The following ACSM1 variants were observed in gnomAD, a reference collection of about 807,000 sequenced individuals.
ACSM1 encodes acyl-coenzyme A synthetase ACSM1, mitochondrial.
Under a neutral mutation model 75.8 loss-of-function variants are expected in ACSM1, and 79 were observed. The ratio of observed to expected loss-of-function variants is 1.04; its 90% CI spans 0.87 to 1.26. The LOEUF (loss-of-function observed/expected upper bound fraction) is 1.26, where lower values mean the gene tolerates loss of function less well. Among genes scored for constraint, ACSM1 ranks in the 50% most tolerant of loss-of-function variants. The pLI, the probability that ACSM1 is intolerant of heterozygous loss-of-function variation, is 0.00. For missense variants in ACSM1, 676 were observed against 720.1 expected, an observed-to-expected ratio of 0.94 and a Z score of 0.70; for synonymous variants, 279 against 265.8, an observed-to-expected ratio of 1.05 and a Z score of -0.48.
chr16:20,672,809 A>G (rs28504227), intron 4 of ACSM1, among the ~76,000 whole-genome samples: 258 of 117,722 alleles, frequency 2.2e-3, no homozygotes, highest in African/African-American at 9.8e-3. Flanking sequence ...TGTATAATAT[A>G]TAATATATAT....
intron 1 of ACSM1, among the ~76,000 whole-genome samples, chr16:20,691,750 AATGT>A (rs1230677549): frequency 1.1e-5 from 1 of 87,900 alleles, no homozygotes; most frequent in Admixed American, 1.2e-4. Context: ...ATACCTCTCC[AATGT>A]GTGTGTGTGT....
At chr16:20,626,393 C>T (rs1425582537) in intron 11 of ACSM1, among the ~76,000 whole-genome samples, 2 of 151,460 alleles carry the variant, frequency 1.3e-5, no homozygotes. Context: ...AATAAAAATG[C>T]CATCAATTTC....
chr16:20,626,739 GATTT>G (rs1306716717), intron 11 of ACSM1, among the ~76,000 whole-genome samples: 3 of 151,570 alleles, frequency 2.0e-5, no homozygotes, highest in African/African-American at 2.4e-5. Context: ...TATAATAATA[GATTT>G]ATTATGCTCA....
At chr16:20,667,511 C>G (rs1443615023) in intron 6 of ACSM1, among the ~76,000 whole-genome samples, 1 of 152,054 alleles carries the variant, frequency 6.6e-6, no homozygotes, top group African/African-American at 2.4e-5. Context: ...AAAACAAATG[C>G]TGGTGAGGCT....
intron 6 of ACSM1, among the ~76,000 whole-genome samples, chr16:20,668,142 C>G (rs2019675762): frequency 6.6e-6 from 1 of 152,142 alleles, no homozygotes; most frequent in Non-Finnish European, 1.5e-5. Flanking sequence ...CGAATCTGCA[C>G]ATGCACCCTC....
chr16:20,671,810 A>AACTCC, intron 4 of ACSM1, 139 bp from the exon 5 acceptor site: 1 of 923,216 alleles, frequency 1.1e-6, no homozygotes, highest in Non-Finnish European at 1.5e-6. Flanking sequence ...TCCCGGAGTT[A>AACTCC]GGCATCACAC....
intron 7 of ACSM1, among the ~76,000 whole-genome samples, chr16:20,659,035 A>C (rs1176310899): frequency 6.6e-6 from 1 of 152,130 alleles, no homozygotes; most frequent in African/African-American, 2.4e-5. Flanking sequence ...TATGATAGAC[A>C]TTTTCTTGTA....
chr16:20,677,717 G>A (rs1021016885), intron 4 of ACSM1, among the ~76,000 whole-genome samples: 2 of 152,162 alleles, frequency 1.3e-5, no homozygotes, highest in African/African-American at 2.4e-5. Context: ...TAGTAGAGGT[G>A]CAGTCTTTGC....
At chr16:20,636,578 A>G (rs563456526) in intron 10 of ACSM1, among the ~76,000 whole-genome samples, 161 bp downstream of exon 10, 1 of 152,348 alleles carries the variant, frequency 6.6e-6, no homozygotes, top group South Asian at 2.1e-4. Flanking sequence ...GGGTTCAGAC[A>G]GGAAAGGATG....
intron 10 of ACSM1, among the ~76,000 whole-genome samples, chr16:20,631,848 C>T (rs2017366156): frequency 1.3e-5 from 2 of 152,148 alleles, no homozygotes; most frequent in South Asian, 4.1e-4. Context: ...ATATAATGGA[C>T]TTTGGGGACT....
intron 7 of ACSM1, among the ~76,000 whole-genome samples, chr16:20,644,839 A>G (rs997569989): frequency 2.6e-4 from 40 of 152,252 alleles, no homozygotes; most frequent in African/African-American, 9.4e-4. Flanking sequence ...ACGGTGTAAC[A>G]TGTATTATCC....
At chr16:20,672,717 G>A (rs2020020861) in intron 4 of ACSM1, among the ~76,000 whole-genome samples, 1 of 122,946 alleles carries the variant, frequency 8.1e-6, no homozygotes, top group African/African-American at 3.3e-5. Context: ...ACATATACAT[G>A]TATATGTAAG....
At chr16:20,682,621 C>T (rs1336955285) in intron 3 of ACSM1, among the ~76,000 whole-genome samples, 158 bp from the exon 4 acceptor site, 2 of 152,198 alleles carry the variant, frequency 1.3e-5, no homozygotes, top group Non-Finnish European at 2.9e-5. Context: ...GAATCTCACA[C>T]CCTGTTTCAA....
intron 10 of ACSM1, among the ~76,000 whole-genome samples, chr16:20,631,607 A>T (rs2017350554): frequency 1.3e-5 from 2 of 152,228 alleles, no homozygotes; most frequent in South Asian, 4.1e-4. Flanking sequence ...AAAGATATGG[A>T]ACCAACCAAA....
At chr16:20,680,021 A>G (rs1001094238) in intron 4 of ACSM1, 2 of 152,230 alleles carry the variant, frequency 1.3e-5, no homozygotes, top group African/African-American at 4.8e-5. Flanking sequence ...TAGCAGGAGC[A>G]GCCCTAAGCA....
At chr16:20,687,334 GA>G (rs1223080205) in intron 2 of ACSM1, among the ~76,000 whole-genome samples, 2 of 152,056 alleles carry the variant, frequency 1.3e-5, no homozygotes, top group Non-Finnish European at 2.9e-5. Context: ...GACTTTTAGG[GA>G]AATTAAGAAA....
In ACSM1 at chr16:20,637,448, G is replaced by A; in HGVS notation, c.1120C>T (p.Leu374=). The change falls in exon 9 of 14, where the codon CTA becomes TTA. Residue 374 remains leucine, a synonymous_variant. Coordinates refer to ENST00000520010, the MANE Select transcript of ACSM1 (RefSeq NM_001318890.3). ...YENYGQSETG[L]ICATYWGMKI... The stretch of plus-strand genomic sequence containing the variant: ...ATTCCCCAGTAGGTGGCACAAATTA[G>A]TCCCTGTTCACAAAAGAAAGAAGAT... 6.2e-7 allele frequency: 1 copy of A among 1,613,692 alleles called. No homozygotes were observed. Among genetic ancestry groups the A allele is most frequent in the Middle Eastern group, 1.7e-4 (1 of 5,802 alleles).
At chr16:20,657,618 T>G (rs2019049056) in intron 7 of ACSM1, among the ~76,000 whole-genome samples, 1 of 152,038 alleles carries the variant, frequency 6.6e-6, no homozygotes, top group South Asian at 2.1e-4. Flanking sequence ...GTTTTTTTTT[T>G]TATTATACCT....
At chr16:20,628,021 G>A (rs899999974) in intron 10 of ACSM1, among the ~76,000 whole-genome samples, 6 of 150,686 alleles carry the variant, frequency 4.0e-5, no homozygotes, top group Non-Finnish European at 7.4e-5. Flanking sequence ...CTGGACAGAT[G>A]AGAGGGGTCA....
Sources: allele counts gnomAD v4.1 joint callset (sites outside exome capture counted in the v4.1 genomes callset), GRCh38; gene constraint gnomAD v4.1.1; transcripts MANE v1.5; gene names NCBI Gene and HGNC (gene_info 2026-07-23, HGNC 2026-07-21).